Variants in KIRREL3 observed in about 807,000 individuals in gnomAD.
The protein encoded by KIRREL3 is kirre like nephrin family adhesion molecule 3.
A neutral mutation model predicts 89.7 loss-of-function variants in KIRREL3; 36 were observed. The ratio of observed to expected loss-of-function variants is 0.40; its 90% CI spans 0.31 to 0.53. The LOEUF (loss-of-function observed/expected upper bound fraction) is 0.53, where lower values mean the gene tolerates loss of function less well. Ranked by LOEUF, KIRREL3 falls within the 20% of genes least tolerant of loss-of-function variation. The pLI is 0.49. For synonymous variants in KIRREL3, 445 were observed against 441.4 expected, an observed-to-expected ratio of 1.01 and a Z score of -0.10; for missense variants, 864 against 1,056.6, an observed-to-expected ratio of 0.82 and a Z score of 2.53.
intron 4 of KIRREL3, among the ~76,000 whole-genome samples, chr11:126,503,845 C>T (rs1407064679): frequency 2.6e-5 from 4 of 151,196 alleles, no homozygotes; most frequent in Non-Finnish European, 4.4e-5. Context: ...CTCTTTCTCC[C>T]TTTATCTCCC....
chr11:126,513,227 G>A lies in KIRREL3; in HGVS notation c.433+8088C>T, dbSNP rs113551991. On this transcript the variant is annotated intron_variant, in intron 4 of 16. Coordinates refer to ENST00000525144, the MANE Select transcript of KIRREL3 (RefSeq NM_032531.4). This position sits in a 1 kb window ranked among gnomAD's most constrained non-coding sequence, Gnocchi z 5.9. ...CCTAAGAACCTCCCCAGCTTCCCTT[G>A]TCCTGGTGTTGGGAGCAAAAGATGC... Among the ~76,000 whole-genome samples, 62 of 152,276 alleles carry A rather than the reference G, an allele frequency of 4.1e-4. 1 individual carries two copies. Among genetic ancestry groups the A allele is most frequent in the African/African-American group, 1.3e-3 (55 of 41,548 alleles).
At chr11:126,621,033 G>A (rs1228492918) in intron 1 of KIRREL3, among the ~76,000 whole-genome samples, 3 of 152,134 alleles carry the variant, frequency 2.0e-5, no homozygotes, top group Non-Finnish European at 4.4e-5. Flanking sequence ...GAATGCAAAG[G>A]GCAAAGTCAT....
chr11:126,451,554 ATG>A (rs1403627394), intron 7 of KIRREL3, among the ~76,000 whole-genome samples: 8 of 118,518 alleles, frequency 6.8e-5, no homozygotes, highest in South Asian at 3.2e-4. Context: ...GCATGTGTGC[ATG>A]TGTGTGATCA....
chr11:126,922,121 G>GTCTGTCTGTCTGTCTATCTATCTA lies in KIRREL3; in HGVS notation c.55+78333_55+78334insTAGATAGATAGACAGACAGACAGA, dbSNP rs61078651. Among the ~76,000 whole-genome samples the GTCTGTCTGTCTGTCTATCTATCTA allele has an allele frequency of 4.3e-5, 6 of 140,082 alleles. No individual in the cohort carries two copies. In the South Asian group the frequency reaches 9.8e-4, roughly 23 times the overall value. The allele number at this position is 140,082 out of a possible 152,430, so 91.9% of individuals were successfully genotyped here. A position where few individuals can be genotyped will look rare whatever the true frequency, so the allele number is the denominator to read the frequency against. On this transcript the variant is annotated intron_variant, in intron 1 of 16. Transcript: ENST00000525144. ...TATCTATCGATCTATCTATCTGTCTGTCTATCTATCTATCTATCTATCTAT... is the reference window on the plus strand; with the variant it reads ...TATCTATCGATCTATCTATCTGTCTGTCTGTCTGTCTGTCTATCTATCTATCTATCTATCTATCTATCTATCTAT...
chr11:126,653,988 C>G lies in KIRREL3; in HGVS notation c.56-91076G>C, dbSNP rs1278576482. ...GGTGACCCCCACGCCCAGCACATAT[C>G]TCACCCTCAGTCACAGCGAGGCCAC... On this transcript the variant is annotated intron_variant, in intron 1 of 16. Transcript: ENST00000525144. The surrounding 1 kb of genome is among the most constrained non-coding windows in gnomAD (Gnocchi z 5.4). 6.6e-6 allele frequency among the ~76,000 whole-genome samples: 1 copy of G among 152,212 alleles called. No homozygotes were observed. The highest frequency in any genetic ancestry group is 2.4e-5 in the African/African-American group (1 of 41,456).
Position 126,816,750 on chromosome 11 carries a change from C to A in KIRREL3, c.55+183705G>T, listed in dbSNP as rs567086029. Among the ~76,000 whole-genome samples, 196 of 152,292 alleles carry A rather than the reference C, an allele frequency of 1.3e-3. 1 individual carries two copies. Among genetic ancestry groups the A allele is most frequent in the Non-Finnish European group, 2.0e-3 (138 of 68,034 alleles). On this transcript the variant is annotated intron_variant, in intron 1 of 16. Coordinates refer to ENST00000525144, the MANE Select transcript of KIRREL3 (RefSeq NM_032531.4). The stretch of plus-strand genomic sequence containing the variant: ...AAGCAAAATCTAAGGCTCTTCTTTG[C>A]GCCAAAGCCTGGTCTCCATGTTGTT...
rs905314077 is a variant in KIRREL3 at position 126,754,554 on chromosome 11, G to A, written c.56-191642C>T. 2.0e-5 allele frequency among the ~76,000 whole-genome samples: 3 copies of A among 151,962 alleles called. No homozygotes were observed. The highest frequency in any genetic ancestry group is 2.9e-5 in the Non-Finnish European group (2 of 67,984). On this transcript the variant is annotated intron_variant, in intron 1 of 16. Transcript: ENST00000525144. The surrounding 1 kb of genome is among the most constrained non-coding windows in gnomAD (Gnocchi z 5.1). ...AAACTGCATGTCTTTGCTAGATACC[G>A]CTGAAGGGGATCGTCTGCGAAGAAA...
chr11:126,642,955 A>G lies in KIRREL3; in HGVS notation c.56-80043T>C, dbSNP rs1212061491. Among the ~76,000 whole-genome samples, 2 of 150,918 alleles carry G rather than the reference A, an allele frequency of 1.3e-5. No individual in the cohort carries two copies. Among genetic ancestry groups the G allele is most frequent in the Non-Finnish European group, 3.0e-5 (2 of 67,686 alleles). On this transcript the variant is annotated intron_variant, in intron 1 of 16. Transcript: ENST00000525144. This position sits in a 1 kb window ranked among gnomAD's most constrained non-coding sequence, Gnocchi z 4.9. ...GGATCCTACAAAGTAAAAGGGTAAAAAAAAGGTACTTTGGCCTCCCTTCTT... is the reference window on the plus strand; with the variant it reads ...GGATCCTACAAAGTAAAAGGGTAAAGAAAAGGTACTTTGGCCTCCCTTCTT...
chr11:126,961,353 A>G (rs1187987068), intron 1 of KIRREL3, among the ~76,000 whole-genome samples: 1 of 152,224 alleles, frequency 6.6e-6, no homozygotes, highest in Admixed American at 6.5e-5. Flanking sequence ...TAAAAGTGCT[A>G]CTCCAGTGAA....
chr11:126,470,548 C>T (rs1044005686), intron 5 of KIRREL3, among the ~76,000 whole-genome samples: 5 of 152,174 alleles, frequency 3.3e-5, no homozygotes, highest in East Asian at 1.9e-4. Context: ...AGAGTGGGGA[C>T]GGGCCTGCCT....
Position 126,744,645 on chromosome 11 carries a change from C to T in KIRREL3, c.56-181733G>A, listed in dbSNP as rs1313766578. On this transcript the variant is annotated intron_variant, in intron 1 of 16. Coordinates refer to ENST00000525144, the MANE Select transcript of KIRREL3 (RefSeq NM_032531.4). This position sits in a 1 kb window ranked among gnomAD's most constrained non-coding sequence, Gnocchi z 4.7. ...GCACTCAGAGCCTTTCCAGGCTAAG[C>T]CAGGGCTCCCTGGCGTGTGCCCCAT... Among the ~76,000 whole-genome samples the T allele has an allele frequency of 6.6e-6, 1 of 152,206 alleles. No homozygotes were observed. The highest frequency in any genetic ancestry group is 1.5e-5 in the Non-Finnish European group (1 of 68,038).
intron 1 of KIRREL3, among the ~76,000 whole-genome samples, chr11:126,911,252 C>T (rs1175863269): frequency 3.3e-5 from 5 of 152,168 alleles, no homozygotes; most frequent in African/African-American, 9.7e-5. Context: ...AGCCACCATG[C>T]TGAGACTCTT....
rs1171306684 is a variant in KIRREL3, at chr11:126,768,170, A to ATCCATCCATCCAATCC, written c.56-205259_56-205258insGGATTGGATGGATGGA. On this transcript the variant is annotated intron_variant, in intron 1 of 16. Coordinates refer to ENST00000525144, the MANE Select transcript of KIRREL3 (RefSeq NM_032531.4). The surrounding 1 kb of genome is among the most constrained non-coding windows in gnomAD (Gnocchi z 4.5). ...CATCCATCCATCCATCCATCCATCC[A>ATCCATCCATCCAATCC]ATCCATCCATCCATCCATCCATCCA... 0.013 allele frequency among the ~76,000 whole-genome samples: 1,068 copies of ATCCATCCATCCAATCC among 79,720 alleles called. 11 individuals carry two copies. Among genetic ancestry groups the ATCCATCCATCCAATCC allele is most frequent in the Middle Eastern group, 0.053 (8 of 150 alleles). 52.3% of individuals were successfully genotyped at this position (79,720 alleles called of 152,430 possible).
rs1032715691 is a variant in KIRREL3, at chr11:126,528,723, G to C, written c.134-2036C>G. On this transcript the variant is annotated intron_variant, in intron 2 of 16. Coordinates refer to ENST00000525144, the MANE Select transcript of KIRREL3 (RefSeq NM_032531.4). This position sits in a 1 kb window ranked among gnomAD's most constrained non-coding sequence, Gnocchi z 4.6. ...AAACAGGGTAGAAAAGGAGGGAAGA[G>C]ATGAGAGAGGAGAAGGGGAGAGGAG... 2.0e-5 allele frequency among the ~76,000 whole-genome samples: 3 copies of C among 151,730 alleles called. No homozygotes were observed. The highest frequency in any genetic ancestry group is 4.4e-5 in the Non-Finnish European group (3 of 67,962).
At chr11:126,722,165 A>G (rs926698210) in intron 1 of KIRREL3, among the ~76,000 whole-genome samples, 7 of 152,200 alleles carry the variant, frequency 4.6e-5, no homozygotes, top group African/African-American at 1.7e-4. Flanking sequence ...ATCCCAATCT[A>G]TCTGCCTGAA....
chr11:126,889,418 C>A (rs1945822102), intron 1 of KIRREL3, among the ~76,000 whole-genome samples: 1 of 152,156 alleles, frequency 6.6e-6, no homozygotes, highest in African/African-American at 2.4e-5. Context: ...CTTTCTACTG[C>A]TGAGGAATAT....
intron 6 of KIRREL3, among the ~76,000 whole-genome samples, chr11:126,460,976 G>A (rs573490786): frequency 7.9e-5 from 12 of 152,194 alleles, no homozygotes; most frequent in Admixed American, 1.3e-4. Context: ...GCAGTGAATC[G>A]AATGGCAGCC....
rs986471638 is a variant in KIRREL3 at position 126,843,939 on chromosome 11, G to T, written c.55+156516C>A. ...ATCCCCTTGTTTAGCATATTGTCAA[G>T]AAATAATCATAAAAATGGGCAACCA... On this transcript the variant is annotated intron_variant, in intron 1 of 16. Coordinates refer to ENST00000525144, the MANE Select transcript of KIRREL3 (RefSeq NM_032531.4). The surrounding 1 kb of genome is among the most constrained non-coding windows in gnomAD (Gnocchi z 4.6). Among the ~76,000 whole-genome samples the T allele has an allele frequency of 3.9e-5, 6 of 152,170 alleles. No homozygotes were observed. Among genetic ancestry groups the T allele is most frequent in the African/African-American group, 1.2e-4 (5 of 41,438 alleles).
chr11:126,940,683 C>T lies in KIRREL3; in HGVS notation c.55+59772G>A, dbSNP rs1223437765. 1.3e-5 allele frequency: 2 copies of T among 152,194 alleles called. No individual in the cohort carries two copies. The highest frequency in any genetic ancestry group is 4.8e-5 in the African/African-American group (2 of 41,442). 9.4% of individuals were successfully genotyped at this position (152,194 alleles called of 1,614,324 possible). ...ATGTTCTTAGTATTGAACTTGACCA[C>T]ACAGCTCATAATGCTTTAGAAGCCT... is the stretch of plus-strand genomic sequence containing the variant. On this transcript the variant is annotated intron_variant, in intron 1 of 16. Coordinates refer to ENST00000525144, the MANE Select transcript of KIRREL3 (RefSeq NM_032531.4). This position sits in a 1 kb window ranked among gnomAD's most constrained non-coding sequence, Gnocchi z 4.6.
Sources: allele counts gnomAD v4.1 joint callset (sites outside exome capture counted in the v4.1 genomes callset), GRCh38; gene constraint gnomAD v4.1.1; non-coding constraint Gnocchi (gnomAD v3.1); transcripts MANE v1.5; gene names NCBI Gene and HGNC (gene_info 2026-07-23, HGNC 2026-07-21).